CD109: variants seen among roughly 807,000 people sequenced by gnomAD.
The protein encoded by CD109 is CD109 antigen.
In CD109, 149 loss-of-function variants were observed where a neutral mutation model predicts 165.8. That is an observed-to-expected ratio of 0.90 (90% CI 0.79 to 1.03). CD109 has a LOEUF of 1.03. Ranked by LOEUF, CD109 falls within the 50% of genes least tolerant of loss-of-function variation. The probability of loss-of-function intolerance (pLI) is 0.00; values close to 1 mark genes in which losing one functional copy is unlikely to be tolerated. For synonymous variants in CD109, 585 were observed against 592.1 expected (o/e 0.99, Z 0.18); for missense variants, 1,712 against 1,677.8 (o/e 1.02, Z -0.36).
intron 3 of CD109, among the ~76,000 whole-genome samples, chr6:73,727,370 G>A (rs1377874892): frequency 6.6e-6 from 1 of 152,048 alleles, no homozygotes; most frequent in Non-Finnish European, 1.5e-5. Context: ...TGTCATCTCT[G>A]GGTGGCTTGC....
chr6:73,702,124 C>T (rs534456224), intron 2 of CD109, among the ~76,000 whole-genome samples: 131 of 152,176 alleles, frequency 8.6e-4, no homozygotes, highest in African/African-American at 2.9e-3. Context: ...GTCTGTAACT[C>T]GCTTTTTCTT....
chr6:73,679,694 G>A, the CD109 span, among the ~76,000 whole-genome samples: 103 of 151,324 alleles, frequency 6.8e-4, no homozygotes, highest in African/African-American at 2.4e-3. Context: ...GGAGTGCAGC[G>A]GCACGATCTC....
chr6:73,827,912 G>A lies in CD109; in HGVS notation c.*4279G>A, dbSNP rs1776321680. 1 of 154,664 alleles carries A rather than the reference G, an allele frequency of 6.5e-6. No homozygotes were observed. The highest frequency in any genetic ancestry group is 1.5e-5 in the Non-Finnish European group (1 of 68,202). 9.6% of individuals were successfully genotyped at this position (154,664 alleles called of 1,614,324 possible). On this transcript the variant is annotated 3_prime_UTR_variant, in exon 33 of 33. Transcript: ENST00000287097. ...TTGTCTTGAGGCCAAGATTTACCAC[G>A]TTTGCCCAGTGTATTGAATTGGTGG...
the CD109 span, among the ~76,000 whole-genome samples, chr6:73,682,699 C>T: frequency 2.0e-5 from 3 of 152,254 alleles, no homozygotes; most frequent in Non-Finnish European, 2.9e-5. Context: ...AGCAGAGGTT[C>T]TCCATGAGGA....
chr6:73,808,289 A>G (rs1393115205), intron 26 of CD109, 41 bp downstream of exon 26: 1 of 1,566,568 alleles, frequency 6.4e-7, no homozygotes, highest in East Asian at 2.3e-5. Context: ...TGCTTTATGA[A>G]ATATATAACT....
In CD109 at chr6:73,768,213, G is replaced by T; in HGVS notation, c.1656G>T (p.Gln552His). The T allele has an allele frequency of 1.9e-6, 3 of 1,575,544 alleles. No homozygotes were observed. Among genetic ancestry groups the T allele is most frequent in the Non-Finnish European group, 2.6e-6 (3 of 1,148,342 alleles). ...GTGATGTTCTAAAAATTCCTGTTCA[G>T]CTTGTTTTTAAAAATAAGGTAAGAT... ...IISDVLKIPV[Q>H]LVFKNKIKLY... Residue 552 changes from glutamine to histidine, a missense_variant, in exon 14 of 33, where the codon CAG becomes CAT. Gln to His is a conservative substitution (Grantham distance 24). Transcript: ENST00000287097.
chr6:73,689,150 GT>G, the CD109 span, among the ~76,000 whole-genome samples: 6 of 152,164 alleles, frequency 3.9e-5, no homozygotes, highest in South Asian at 6.2e-4. Flanking sequence ...ATTGGCAGAG[GT>G]CATTTATTAT....
chr6:73,759,217 C>T (rs1272063242), intron 7 of CD109, among the ~76,000 whole-genome samples, 189 bp downstream of exon 7: 3 of 152,178 alleles, frequency 2.0e-5, no homozygotes, highest in Non-Finnish European at 4.4e-5. Context: ...ATCTATCACT[C>T]TGCTTGCAAG....
upstream of CD109, chr6:73,694,570 T>A (rs1323490827): frequency 6.6e-6 from 1 of 152,200 alleles, no homozygotes; most frequent in Admixed American, 6.5e-5. Flanking sequence ...TGAGAAGAAT[T>A]TTCTGTGTTC....
chr6:73,766,797 T>C lies in CD109; in HGVS notation c.1371T>C (p.His457=). Residue 457 remains histidine (H), a synonymous_variant, in exon 12 of 33, where the codon CAT becomes CAC. Coordinates refer to ENST00000287097, the MANE Select transcript of CD109 (RefSeq NM_133493.5). ...FLGSKSSMAV[H]SLFKSPSKTY... is the part of the protein sequence containing the mutation. Reference sequence around the variant, plus strand: ...GTAGTAAAAGTAGCATGGCAGTTCATAGTCTGTTTAAGTCTCCTAGTAAGA... The same window carrying C: ...GTAGTAAAAGTAGCATGGCAGTTCACAGTCTGTTTAAGTCTCCTAGTAAGA... The C allele has an allele frequency of 1.2e-6, 2 of 1,613,166 alleles. No individual in the cohort carries two copies.
chr6:73,817,471 G>T (rs1775980197), intron 30 of CD109, among the ~76,000 whole-genome samples: 1 of 152,240 alleles, frequency 6.6e-6, no homozygotes, highest in Admixed American at 6.5e-5. Context: ...GTCAGCAGTT[G>T]TACTGTATGG....
At chr6:73,767,137 A>G in intron 13 of CD109, 127 bp downstream of exon 13, 1 of 739,728 alleles carries the variant, frequency 1.4e-6, no homozygotes, top group Non-Finnish European at 2.2e-6. Flanking sequence ...TTTGTTGTAC[A>G]GATTATTTCA....
chr6:73,695,884 GC>G, upstream of CD109: 1 of 363,162 alleles, frequency 2.8e-6, no homozygotes, highest in South Asian at 2.4e-5. Context: ...AACCCGGTGG[GC>G]CGGGGAAGTG....
chr6:73,810,316 G>A (rs1007521232), intron 27 of CD109, 142 bp downstream of exon 27: 2 of 257,294 alleles, frequency 7.8e-6, no homozygotes, highest in Non-Finnish European at 1.3e-5. Flanking sequence ...GTATGTGGTT[G>A]CATTTTTTCC....
At chr6:73,762,181 T>G (rs1773662043) in intron 7 of CD109, among the ~76,000 whole-genome samples, 1 of 152,012 alleles carries the variant, frequency 6.6e-6, no homozygotes. Flanking sequence ...CAGGCTGGTC[T>G]TGCACTCCTG....
chr6:73,727,757 A>G (rs907557277), intron 3 of CD109, among the ~76,000 whole-genome samples: 1 of 152,202 alleles, frequency 6.6e-6, no homozygotes, highest in African/African-American at 2.4e-5. Flanking sequence ...AGGAAGAGCA[A>G]TCCCATCAAA....
At chr6:73,713,082 C>T (rs1771595720) in intron 2 of CD109, among the ~76,000 whole-genome samples, 1 of 152,074 alleles carries the variant, frequency 6.6e-6, no homozygotes. Context: ...ATGCTGCCCC[C>T]ACTCTCCTCC....
At chr6:73,787,508 CAGA>C (rs1774741198) in intron 21 of CD109, 56 bp downstream of exon 21, 1 of 1,418,110 alleles carries the variant, frequency 7.1e-7, no homozygotes. Flanking sequence ...AAAAAGGAAG[CAGA>C]AGGTTTTTTC....
intron 2 of CD109, among the ~76,000 whole-genome samples, chr6:73,717,291 T>C (rs984312513): frequency 1.3e-5 from 2 of 152,072 alleles, no homozygotes; most frequent in Non-Finnish European, 2.9e-5. Context: ...ATTTTAGGAT[T>C]TTTTTTCTAT....
Sources: allele counts gnomAD v4.1 joint callset (sites outside exome capture counted in the v4.1 genomes callset), GRCh38; gene constraint gnomAD v4.1.1; transcripts MANE v1.5; gene names NCBI Gene and HGNC (gene_info 2026-07-23, HGNC 2026-07-21).